HSPE1: variants seen among roughly 807,000 people sequenced by gnomAD.
HSPE1 encodes heat shock protein family E (Hsp10) member 1.
HSPE1 carries 1 observed loss-of-function variant against 13.2 expected under a neutral mutation model. The ratio of observed to expected loss-of-function variants is 0.08; its 90% CI spans 0.03 to 0.36. The LOEUF (loss-of-function observed/expected upper bound fraction) is 0.36, where lower values mean the gene tolerates loss of function less well. HSPE1 is among the 10% of genes least tolerant of loss of function. HSPE1 has a pLI of 0.99. For synonymous variants in HSPE1, 44 were observed against 42.0 expected (o/e 1.05, Z -0.19); for missense variants, 73 against 118.7 (o/e 0.62, Z 1.79).
chr2:197,501,767 C>CAAAA (rs11371120), intron 2 of HSPE1, among the ~76,000 whole-genome samples: 10 of 128,370 alleles, frequency 7.8e-5, no homozygotes, highest in African/African-American at 1.2e-4. Flanking sequence ...GATTCTGTCT[C>CAAAA]AAAAAAAAAA....
rs1038049844 is a variant in HSPE1 at position 197,500,521 on chromosome 2, G to T, written c.3+82G>T. ...GATCCCTGACGCCCCTCTTTTGTTGGGCTGGGCGGGAGGGATTGGTGGCCA... is the reference window on the plus strand; with the variant it reads ...GATCCCTGACGCCCCTCTTTTGTTGTGCTGGGCGGGAGGGATTGGTGGCCA... On this transcript the variant is annotated intron_variant, in intron 1 of 3. Transcript: ENST00000233893. 95 of 1,517,672 alleles carry T rather than the reference G, an allele frequency of 6.3e-5. No homozygotes were observed. The Admixed American group carries it at 1.8e-3, about 28-fold the overall frequency. 94.0% of individuals were successfully genotyped at this position (1,517,672 alleles called of 1,614,324 possible).
chr2:197,500,894 A>G (rs926511678), intron 1 of HSPE1, 180 bp from the exon 2 acceptor site: 6 of 717,120 alleles, frequency 8.4e-6, no homozygotes, highest in Non-Finnish European at 9.1e-6. Flanking sequence ...GACGTAAGGA[A>G]TCGGGAATTA....
chr2:197,500,691 C>T, intron 1 of HSPE1: 1 of 613,184 alleles, frequency 1.6e-6, no homozygotes, highest in Non-Finnish European at 2.9e-6. Context: ...GTCTCACCTG[C>T]TTCTGCAGGG....
intron 2 of HSPE1, 97 bp from the exon 3 acceptor site, chr2:197,502,942 A>T (rs2086274301): frequency 2.9e-6 from 2 of 692,056 alleles, no homozygotes; most frequent in Admixed American, 2.3e-5. Context: ...ATTGGATTTG[A>T]GTGACCATGT....
At position 197,500,447 on chromosome 2, in the gene HSPE1, C is replaced by T. The variant is rs1427098280; in HGVS notation, c.3+8C>T. The T allele has an allele frequency of 6.3e-7, 1 of 1,585,630 alleles. No homozygotes were observed. The highest frequency in any genetic ancestry group is 1.1e-5 in the South Asian group (1 of 88,324). ...GAGGCGGAGGGAGTAATGGTGAGTC[C>T]CGCGTGGCCCCGAGGCCTGCAGGCC... On this transcript the variant is annotated splice_region_variant and intron_variant, in intron 1 of 3. Transcript: ENST00000233893.
rs1389860531 is a variant in HSPE1, at chr2:197,503,253, A to G, written c.303A>G (p.Val101=). 6.3e-7 allele frequency: 1 copy of G among 1,598,990 alleles called. No individual in the cohort carries two copies. The highest frequency in any genetic ancestry group is 1.7e-5 in the Admixed American group (1 of 59,976). ...FRDGDILGKY[V]D ...ATGGTGACATTCTTGGAAAGTACGTAGACTGAAATAAGTCACTATTGAAAT... is the reference window on the plus strand; with the variant it reads ...ATGGTGACATTCTTGGAAAGTACGTGGACTGAAATAAGTCACTATTGAAAT... Residue 101 remains valine, a synonymous_variant, in exon 4 of 4, where the codon GTA becomes GTG. Coordinates refer to ENST00000233893, the MANE Select transcript of HSPE1 (RefSeq NM_002157.3).
chr2:197,502,388 G>A (rs183972000), intron 2 of HSPE1, among the ~76,000 whole-genome samples: 2 of 152,232 alleles, frequency 1.3e-5, no homozygotes, highest in African/African-American at 2.4e-5. Context: ...TTTAGGCCTC[G>A]GGCTTCTAAA....
At chr2:197,502,224 T>G (rs1041718790) in intron 2 of HSPE1, among the ~76,000 whole-genome samples, 1 of 152,192 alleles carries the variant, frequency 6.6e-6, no homozygotes, top group Admixed American at 6.5e-5. Flanking sequence ...TAAACTTTCT[T>G]AAAACCTGAT....
chr2:197,500,783 GA>G, intron 1 of HSPE1: 1 of 577,480 alleles, frequency 1.7e-6, no homozygotes, highest in Non-Finnish European at 3.1e-6. Context: ...AAAATTTCTG[GA>G]AAAACCTGAA....
intron 2 of HSPE1, among the ~76,000 whole-genome samples, chr2:197,501,856 A>C (rs898688596): frequency 1.3e-5 from 2 of 152,014 alleles, no homozygotes; most frequent in Non-Finnish European, 2.9e-5. Flanking sequence ...TTAATAAGAC[A>C]AAAGAGGCTG....
At chr2:197,501,849 A>G (rs1039726253) in intron 2 of HSPE1, among the ~76,000 whole-genome samples, 1 of 151,918 alleles carries the variant, frequency 6.6e-6, no homozygotes, top group Non-Finnish European at 1.5e-5. Context: ...TAAATTTTTA[A>G]TAAGACAAAA....
At chr2:197,501,582 G>A in intron 2 of HSPE1, 1 of 164,614 alleles carries the variant, frequency 6.1e-6, no homozygotes, top group Non-Finnish European at 1.3e-5. Context: ...GACCAACATG[G>A]TGAAACCCCG....
At chr2:197,501,428 G>A (rs1047863327) in intron 2 of HSPE1, 190 bp downstream of exon 2, 6 of 614,672 alleles carry the variant, frequency 9.8e-6, no homozygotes, top group Non-Finnish European at 1.6e-5. Context: ...TATGACCAAT[G>A]CTATGATGCT....
At position 197,503,148 on chromosome 2, in the gene HSPE1, C is replaced by G. The variant is rs182372784; in HGVS notation, c.258+20C>G. On this transcript the variant is annotated intron_variant, in intron 3 of 3. Transcript: ENST00000233893. ...GACAAGGTGTGTAAACTTAATAATT[C>G]TAAAAAGAAGTCAGATATTTGCAAT... 4.4e-5 allele frequency: 69 copies of G among 1,584,240 alleles called. No homozygotes were observed. In the East Asian group the frequency reaches 1.4e-3, roughly 32 times the overall value.
intron 1 of HSPE1, 37 bp from the exon 2 acceptor site, chr2:197,501,037 A>C (rs766989335): frequency 6.2e-7 from 1 of 1,606,530 alleles, no homozygotes; most frequent in African/African-American, 1.3e-5. Flanking sequence ...ATGTGATTAC[A>C]TTTAGTTTTT....
rs760543945 is a variant in HSPE1, at chr2:197,503,192, GT to G, written c.259-10del. ...TTGCAATTAGTTGTCTTAACTAATG[GT>G]TTTTTTCACTTGCAGGATTATTTCC... On this transcript the variant is annotated splice_polypyrimidine_tract_variant and intron_variant, in intron 3 of 3. Coordinates refer to ENST00000233893, the MANE Select transcript of HSPE1 (RefSeq NM_002157.3). 4.4e-6 allele frequency: 7 copies of G among 1,603,324 alleles called. No individual in the cohort carries two copies. Among genetic ancestry groups the G allele is most frequent in the Non-Finnish European group, 6.0e-6 (7 of 1,170,776 alleles).
At position 197,500,409 on chromosome 2, in the gene HSPE1, A is replaced by G; in HGVS notation, c.-28A>G. 1.3e-6 allele frequency: 2 copies of G among 1,599,470 alleles called. No individual in the cohort carries two copies. Among genetic ancestry groups the G allele is most frequent in the Non-Finnish European group, 8.5e-7 (1 of 1,173,642 alleles). ...TCTCTTTGCGGCGCTACACTAGAGC[A>G]GAGTACGAGTCTGAGGCGGAGGGAG... is the stretch of plus-strand genomic sequence containing the variant. On this transcript the variant is annotated 5_prime_UTR_variant, in exon 1 of 4. Transcript: ENST00000233893.
intron 2 of HSPE1, among the ~76,000 whole-genome samples, chr2:197,502,822 T>C (rs1008597235): frequency 2.0e-5 from 3 of 152,228 alleles, no homozygotes; most frequent in African/African-American, 7.2e-5. Context: ...GGTTTTAGTT[T>C]AAGCCACTGT....
Position 197,500,392 on chromosome 2 carries a change from C to T in HSPE1, c.-45C>T, listed in dbSNP as rs774521015. 3.8e-6 allele frequency: 6 copies of T among 1,591,102 alleles called. No homozygotes were observed. Among genetic ancestry groups the T allele is most frequent in the African/African-American group, 1.3e-5 (1 of 74,600 alleles). ...CAGGGCCGGACTGCGAGTCTCTTTG[C>T]GGCGCTACACTAGAGCAGAGTACGA... is the stretch of plus-strand genomic sequence containing the variant. On this transcript the variant is annotated 5_prime_UTR_variant, in exon 1 of 4. Transcript: ENST00000233893.
Sources: allele counts gnomAD v4.1 joint callset (sites outside exome capture counted in the v4.1 genomes callset), GRCh38; gene constraint gnomAD v4.1.1; transcripts MANE v1.5; gene names NCBI Gene and HGNC (gene_info 2026-07-23, HGNC 2026-07-21).